TIMM50: variants seen among roughly 807,000 people sequenced by gnomAD.
TIMM50 encodes mitochondrial import inner membrane translocase subunit TIM50.
A neutral mutation model predicts 49.6 loss-of-function variants in TIMM50; 34 were observed. The ratio of observed to expected loss-of-function variants is 0.69; its 90% CI spans 0.52 to 0.91. The LOEUF is 0.91. Among genes scored for constraint, TIMM50 ranks in the 40% least tolerant of loss-of-function variants. The pLI is 0.00. For synonymous variants in TIMM50, 199 were observed against 198.4 expected (o/e 1.00, Z -0.03); for missense variants, 458 against 477.8 (o/e 0.96, Z 0.39).
At chr19:39,486,929 A>T (rs1304163118) in intron 8 of TIMM50, among the ~76,000 whole-genome samples, 2 of 151,998 alleles carry the variant, frequency 1.3e-5, no homozygotes, top group Non-Finnish European at 2.9e-5. Context: ...GTCTGGCTCC[A>T]AGTGTCTGTG....
At chr19:39,483,364 G>T in intron 4 of TIMM50, 1 of 589,418 alleles carries the variant, frequency 1.7e-6, no homozygotes, top group South Asian at 2.0e-5. Context: ...GATGGTCAGA[G>T]ACAGATGGGG....
chr19:39,485,681 C>T lies in TIMM50; in HGVS notation c.373-7C>T. On this transcript the variant is annotated splice_polypyrimidine_tract_variant and splice_region_variant and intron_variant, in intron 5 of 10. Transcript: ENST00000607714. ...CTGAGCGCCCCCATCCTGTCCCTCT[C>T]CCACAGATGATCATCGAGCCCACCA... The T allele has an allele frequency of 6.2e-7, 1 of 1,614,130 alleles. No homozygotes were observed. The highest frequency in any genetic ancestry group is 8.5e-7 in the Non-Finnish European group (1 of 1,180,028).
chr19:39,489,682 G>A (rs370706689), intron 10 of TIMM50, 37 bp from the exon 11 acceptor site: 55 of 1,561,198 alleles, frequency 3.5e-5, no homozygotes, highest in Non-Finnish European at 4.8e-5. Context: ...TGTCCACCTT[G>A]CGCTGACCCT....
At chr19:39,482,742 C>T in intron 2 of TIMM50, 143 bp from the exon 3 acceptor site, 1 of 1,037,280 alleles carries the variant, frequency 9.6e-7, no homozygotes, top group African/African-American at 1.6e-5. Context: ...TCTTGGCTCC[C>T]AGCCCCCTCC....
Position 39,486,471 on chromosome 19 carries a change from A to G in TIMM50, c.672A>G (p.Arg224=). Residue 224 remains arginine, a synonymous_variant, in exon 8 of 11, where the codon AGA becomes AGG. Transcript: ENST00000607714. ...ACCGCCTATTCCGGGACGCCACAAG[A>G]TACATGGATGGACACCATGTAAAGG... ...ISYRLFRDAT[R]YMDGHHVKDI... The G allele has an allele frequency of 1.2e-6, 2 of 1,614,090 alleles. No homozygotes were observed. Among genetic ancestry groups the G allele is most frequent in the Non-Finnish European group, 1.7e-6 (2 of 1,180,008 alleles).
At chr19:39,483,274 G>A (rs1439999636) in intron 4 of TIMM50, 118 bp downstream of exon 4, 2 of 1,375,710 alleles carry the variant, frequency 1.5e-6, no homozygotes, top group African/African-American at 1.4e-5. Context: ...GGGAGGTGGG[G>A]GAGCCAGCAG....
At chr19:39,483,217 A>ATGTC in intron 4 of TIMM50, 61 bp downstream of exon 4, 1 of 1,606,148 alleles carries the variant, frequency 6.2e-7, no homozygotes, top group Non-Finnish European at 8.5e-7. Flanking sequence ...ATTTGTAAGG[A>ATGTC]TGTCTCTCTC....
At chr19:39,487,225 G>GGGTCTA (rs1269317589) in intron 8 of TIMM50, among the ~76,000 whole-genome samples, 1 of 152,158 alleles carries the variant, frequency 6.6e-6, no homozygotes, top group African/African-American at 2.4e-5. Flanking sequence ...GCTAGGCCCT[G>GGGTCTA]GGTCTAGAAG....
chr19:39,482,841 G>C, intron 2 of TIMM50, 44 bp from the exon 3 acceptor site: 1 of 1,613,646 alleles, frequency 6.2e-7, no homozygotes, highest in Non-Finnish European at 8.5e-7. Context: ...GGACCCAGGG[G>C]ACTGGGCCCT....
At chr19:39,482,647 G>A (rs1395889780) in intron 2 of TIMM50, among the ~76,000 whole-genome samples, 16 of 146,888 alleles carry the variant, frequency 1.1e-4, no homozygotes, top group Admixed American at 6.8e-4. Flanking sequence ...GCAACAGAGC[G>A]AGACTCTGTC....
rs956166723 is a variant in TIMM50 at position 39,493,710 on chromosome 19, T to C, written c.*3890T>C. 1.3e-5 allele frequency: 2 copies of C among 151,936 alleles called. No homozygotes were observed. Among genetic ancestry groups the C allele is most frequent in the Non-Finnish European group, 2.9e-5 (2 of 68,020 alleles). The allele number at this position is 151,936 out of a possible 1,614,324, so 9.4% of individuals were successfully genotyped here. ...ATACTATAAAACAGCCCCACCCCTA[T>C]CTCCCTTCGCTGACTCTTTTCGGAC... On this transcript the variant is annotated 3_prime_UTR_variant, in exon 11 of 11. Transcript: ENST00000607714.
chr19:39,485,872 C>CT, intron 6 of TIMM50, 65 bp downstream of exon 6: 1 of 1,597,108 alleles, frequency 6.3e-7, no homozygotes, highest in Non-Finnish European at 8.5e-7. Flanking sequence ...ATGAGGTGGA[C>CT]TTTCAGCCCT....
rs2079505873 is a variant in TIMM50 at position 39,486,322 on chromosome 19, G to A, written c.597+31G>A. 11 of 1,613,198 alleles carry A rather than the reference G, an allele frequency of 6.8e-6. No homozygotes were observed. In the East Asian group the frequency reaches 2.5e-4, roughly 36 times the overall value. On this transcript the variant is annotated intron_variant, in intron 7 of 10. Coordinates refer to ENST00000607714, the MANE Select transcript of TIMM50 (RefSeq NM_001001563.5). ...GCTCTGGGGCAGGGGAGGGAATATT[G>A]GTGTGGTGGGAGGCGTAGAGATCTG...
intron 4 of TIMM50, among the ~76,000 whole-genome samples, chr19:39,484,608 C>T (rs899888410): frequency 2.0e-5 from 3 of 151,836 alleles, no homozygotes; most frequent in African/African-American, 7.3e-5. Context: ...CCCGGCATTG[C>T]CAGATTTCCC....
At position 39,488,570 on chromosome 19, in the gene TIMM50, A is replaced by T; in HGVS notation, c.885A>T (p.Arg295=). Residue 295 remains arginine, a synonymous_variant, in exon 10 of 11, where the codon CGA becomes CGT. Coordinates refer to ENST00000607714, the MANE Select transcript of TIMM50 (RefSeq NM_001001563.5). ...TIALNGVEDV[R]TVLEHYALED... is the part of the protein sequence containing the mutation. ...CACTGAATGGTGTGGAGGACGTGCG[A>T]ACCGTGCTGGAGCACTATGCCCTGG... 1.2e-6 allele frequency: 2 copies of T among 1,613,150 alleles called. No homozygotes were observed. Among genetic ancestry groups the T allele is most frequent in the Non-Finnish European group, 1.7e-6 (2 of 1,180,012 alleles).
At position 39,490,634 on chromosome 19, in the gene TIMM50, C is replaced by G. The variant is rs147898412; in HGVS notation, c.*814C>G. ...CAAACTCCTAGTCTTAAGCAATCTT[C>G]CTGCTTTGGCCTCCCAAAGCGCTAG... On this transcript the variant is annotated 3_prime_UTR_variant, in exon 11 of 11. Transcript: ENST00000607714. The G allele has an allele frequency of 6.6e-6, 1 of 152,016 alleles. No homozygotes were observed. Among genetic ancestry groups the G allele is most frequent in the East Asian group, 1.9e-4 (1 of 5,164 alleles). 9.4% of individuals were successfully genotyped at this position (152,016 alleles called of 1,614,324 possible).
At position 39,481,911 on chromosome 19, in the gene TIMM50, C is replaced by A. The variant is rs1322102469; in HGVS notation, c.137C>A (p.Thr46Asn). Reference protein sequence around the residue: ...QAAEIGSRGSTKAQGPQQQPG... With the variant: ...QAAEIGSRGSNKAQGPQQQPG... ...GCAGAGATCGGGAGCCGCGGGAGCA[C>A]TAAGGCGCAAGGGCCACAGCAGCAG... The change falls in exon 2 of 11, where the codon ACT becomes AAT. Residue 46 changes from threonine to asparagine, a missense_variant. Physicochemically the swap from Thr to Asn is moderately conservative, Grantham distance 65. Transcript: ENST00000607714. The A allele has an allele frequency of 6.2e-7, 1 of 1,613,850 alleles. No individual in the cohort carries two copies. The highest frequency in any genetic ancestry group is 8.5e-7 in the Non-Finnish European group (1 of 1,179,964).
In TIMM50 at chr19:39,490,556, T is replaced by C. The variant is rs2144742360; in HGVS notation, c.*736T>C. ...GGTGCGTGCTACCATACCCAGCTAA[T>C]TTAAACAAATTTTTTTTTTGTAGAG... is the stretch of plus-strand genomic sequence containing the variant. On this transcript the variant is annotated 3_prime_UTR_variant, in exon 11 of 11. Coordinates refer to ENST00000607714, the MANE Select transcript of TIMM50 (RefSeq NM_001001563.5). 6.6e-6 allele frequency: 1 copy of C among 152,018 alleles called. No homozygotes were observed. Among genetic ancestry groups the C allele is most frequent in the Admixed American group, 6.6e-5 (1 of 15,250 alleles). The allele number at this position is 152,018 out of a possible 1,614,324, so 9.4% of individuals were successfully genotyped here. A position where few individuals can be genotyped will look rare whatever the true frequency, so the allele number is the denominator to read the frequency against.
Position 39,488,193 on chromosome 19 carries a change from T to C in TIMM50, c.829T>C (p.Leu277=), listed in dbSNP as rs200968629. 70 of 1,613,458 alleles carry C rather than the reference T, an allele frequency of 4.3e-5. No individual in the cohort carries two copies. Among genetic ancestry groups the C allele is most frequent in the Non-Finnish European group, 1.2e-5 (14 of 1,179,508 alleles). The change falls in exon 9 of 11, where the codon TTG becomes CTG. Residue 277 remains leucine, a synonymous_variant. Transcript: ENST00000607714. ...WDGNSDDRVL[L]DLSAFLKTIA... The stretch of plus-strand genomic sequence containing the variant: ...CGGCAACTCTGATGACCGGGTCTTG[T>C]TGGATCTGTCTGCCTTCCTCAAGAG...
Sources: gnomAD v4.1 joint callset for allele counts (sites outside exome capture counted in the v4.1 genomes callset) on GRCh38, gnomAD v4.1.1 for gene constraint, MANE v1.5 for transcripts, NCBI Gene and HGNC (gene_info 2026-07-23, HGNC 2026-07-21) for gene names.